The following SPAG16 variants were observed in gnomAD, a reference collection of about 807,000 sequenced individuals.
SPAG16 encodes the protein sperm associated antigen 16.
A neutral mutation model predicts 80.4 loss-of-function variants in SPAG16; 86 were observed. That is an observed-to-expected ratio of 1.07 (90% CI 0.90 to 1.28). SPAG16 has a LOEUF of 1.28. Ranked by LOEUF, SPAG16 falls within the 50% of genes most tolerant of loss-of-function variation. The probability of loss-of-function intolerance (pLI) is 0.00; values close to 1 mark genes in which losing one functional copy is unlikely to be tolerated. For missense variants in SPAG16, 870 were observed against 765.3 expected (o/e 1.14, Z -1.61); for synonymous variants, 294 against 265.9 (o/e 1.11, Z -1.03).
At chr2:213,559,830 A>G (rs188149165) in intron 10 of SPAG16, among the ~76,000 whole-genome samples, 1 of 152,222 alleles carries the variant, frequency 6.6e-6, no homozygotes, top group Admixed American at 6.5e-5. Flanking sequence ...ACAAAGGTAC[A>G]CTTAATAAAT....
chr2:213,376,628 A>C (rs1356724910), intron 9 of SPAG16, among the ~76,000 whole-genome samples: 4 of 152,002 alleles, frequency 2.6e-5, no homozygotes, highest in Non-Finnish European at 5.9e-5. Context: ...TTCACATGAT[A>C]TCTATTGACT....
At chr2:214,209,916 T>A (rs1458010813) in intron 15 of SPAG16, among the ~76,000 whole-genome samples, 1 of 152,132 alleles carries the variant, frequency 6.6e-6, no homozygotes, top group East Asian at 1.9e-4. Context: ...CCATCTACAG[T>A]GTTTGTCATA....
intron 10 of SPAG16, among the ~76,000 whole-genome samples, chr2:213,843,631 A>C (rs2074472201): frequency 6.6e-6 from 1 of 152,178 alleles, no homozygotes; most frequent in African/African-American, 2.4e-5. Flanking sequence ...CGGGTCGATC[A>C]CCTGAGGCCA....
chr2:213,297,426 C>A (rs768005231), intron 3 of SPAG16, 69 bp downstream of exon 3: 4 of 908,020 alleles, frequency 4.4e-6, no homozygotes, highest in South Asian at 1.6e-5. Context: ...TTTGGAAAGT[C>A]TTTTAAATGT....
chr2:213,629,619 G>A (rs1240958381), intron 10 of SPAG16, among the ~76,000 whole-genome samples: 1 of 152,208 alleles, frequency 6.6e-6, no homozygotes, highest in Admixed American at 6.5e-5. Flanking sequence ...CTCATGGAAT[G>A]ATGTGGCAGT....
chr2:214,407,368 T>C (rs1702050616), intron 15 of SPAG16, among the ~76,000 whole-genome samples: 1 of 152,130 alleles, frequency 6.6e-6, no homozygotes, highest in African/African-American at 2.4e-5. Context: ...AAATAAATTA[T>C]TTAATTTCAC....
chr2:213,912,463 T>A (rs1326620072), intron 11 of SPAG16, among the ~76,000 whole-genome samples: 1 of 152,170 alleles, frequency 6.6e-6, no homozygotes, highest in African/African-American at 2.4e-5. Context: ...TATAATTAGA[T>A]CAAAATTATT....
At chr2:213,602,463 C>T (rs1193060229) in intron 10 of SPAG16, among the ~76,000 whole-genome samples, 3 of 151,978 alleles carry the variant, frequency 2.0e-5, no homozygotes, top group Non-Finnish European at 4.4e-5. Context: ...GGAACCCCGT[C>T]TCTACAAAAA....
chr2:213,844,279 T>C (rs1237775990), intron 10 of SPAG16, among the ~76,000 whole-genome samples: 2 of 152,166 alleles, frequency 1.3e-5, no homozygotes, highest in African/African-American at 4.8e-5. Context: ...CTCAGCCTAA[T>C]TAACATTCAG....
intron 15 of SPAG16, among the ~76,000 whole-genome samples, chr2:214,319,555 T>C (rs897993424): frequency 6.6e-6 from 1 of 151,470 alleles, no homozygotes; most frequent in Non-Finnish European, 1.5e-5. Context: ...TCTATGGTAA[T>C]CTAGGTGAAA....
chr2:214,341,339 T>C (rs1192079477), intron 15 of SPAG16, among the ~76,000 whole-genome samples: 1 of 151,962 alleles, frequency 6.6e-6, no homozygotes, highest in Non-Finnish European at 1.5e-5. Flanking sequence ...AGAGGGAGGA[T>C]AGCAAATAAA....
At chr2:213,331,235 C>G (rs2064091811) in intron 5 of SPAG16, among the ~76,000 whole-genome samples, 1 of 152,188 alleles carries the variant, frequency 6.6e-6, no homozygotes. Context: ...CCTGAGGCCC[C>G]CATTCCAGGC....
At chr2:214,325,484 A>T (rs2126001136) in intron 15 of SPAG16, among the ~76,000 whole-genome samples, 1 of 152,332 alleles carries the variant, frequency 6.6e-6, no homozygotes, top group African/African-American at 2.4e-5. Flanking sequence ...GAAGCCTTAA[A>T]AACCCAAATA....
chr2:213,318,870 T>C (rs963208327), intron 5 of SPAG16, among the ~76,000 whole-genome samples: 2 of 151,890 alleles, frequency 1.3e-5, no homozygotes, highest in Non-Finnish European at 2.9e-5. Flanking sequence ...TTCTTCTAAC[T>C]TAAAAGAAAA....
intron 10 of SPAG16, among the ~76,000 whole-genome samples, chr2:213,853,513 A>G (rs2075010726): frequency 6.6e-6 from 1 of 152,220 alleles, no homozygotes; most frequent in Admixed American, 6.5e-5. Context: ...TTAACAAAAC[A>G]TTTTATGGAT....
At position 213,515,793 on chromosome 2, in the gene SPAG16, A is replaced by G. The variant is rs756888692; in HGVS notation, c.1070+25703A>G. Reference sequence around the variant, plus strand: ...TTTCCCTTTACCTTCAGATAATTTTATGGGAGCCAGGAATGCAAGAGATCT... The same window carrying G: ...TTTCCCTTTACCTTCAGATAATTTTGTGGGAGCCAGGAATGCAAGAGATCT... On this transcript the variant is annotated intron_variant, in intron 10 of 15. Transcript: ENST00000331683. 2.2e-4 allele frequency among the ~76,000 whole-genome samples: 34 copies of G among 152,174 alleles called. 1 individual carries two copies. The highest frequency in any genetic ancestry group is 5.9e-5 in the Non-Finnish European group (4 of 68,020).
intron 5 of SPAG16, among the ~76,000 whole-genome samples, chr2:213,328,766 T>C (rs1407705847): frequency 2.0e-5 from 3 of 152,146 alleles, no homozygotes; most frequent in African/African-American, 4.8e-5. Flanking sequence ...AGTAGGATAC[T>C]TCTACTTGCT....
chr2:213,625,849 A>T (rs547188757), intron 10 of SPAG16, among the ~76,000 whole-genome samples: 1 of 151,584 alleles, frequency 6.6e-6, no homozygotes, highest in African/African-American at 2.4e-5. Flanking sequence ...CACCACACCC[A>T]GCTAATTTTT....
At chr2:213,943,594 A>G (rs923402459) in intron 12 of SPAG16, among the ~76,000 whole-genome samples, 2 of 152,216 alleles carry the variant, frequency 1.3e-5, no homozygotes, top group African/African-American at 4.8e-5. Context: ...TGCAAGCAAT[A>G]CATGTGGATA....
Sources: allele counts gnomAD v4.1 joint callset (sites outside exome capture counted in the v4.1 genomes callset), GRCh38; gene constraint gnomAD v4.1.1; transcripts MANE v1.5; gene names NCBI Gene and HGNC (gene_info 2026-07-23, HGNC 2026-07-21).